CLVS2: variants seen among roughly 807,000 people sequenced by gnomAD.
The protein encoded by CLVS2 is clavesin-2.
In CLVS2, 19 loss-of-function variants were observed where a neutral mutation model predicts 29.0. The observed-to-expected ratio is 0.66, with a 90% CI of 0.46 to 0.96. CLVS2 has a LOEUF of 0.96. CLVS2 is among the 40% of genes least tolerant of loss of function. The pLI, the probability that CLVS2 is intolerant of heterozygous loss-of-function variation, is 0.00. For synonymous variants in CLVS2, 161 were observed against 151.3 expected, an observed-to-expected ratio of 1.06 and a Z score of -0.47; for missense variants, 294 against 404.1, an observed-to-expected ratio of 0.73 and a Z score of 2.34.
In CLVS2 at chr6:123,069,200, G is replaced by T. The variant is rs1772904126; in HGVS notation, c.*5439G>T. On this transcript the variant is annotated 3_prime_UTR_variant, in exon 6 of 6. Transcript: ENST00000275162. ...TAATGTTTTAATTACATATAGCAAAGGAATGATCAGTAAATAAAATAACTA... is the reference window on the plus strand; with the variant it reads ...TAATGTTTTAATTACATATAGCAAATGAATGATCAGTAAATAAAATAACTA... 1 of 151,602 alleles carries T rather than the reference G, an allele frequency of 6.6e-6. No individual in the cohort carries two copies. The highest frequency in any genetic ancestry group is 2.4e-5 in the African/African-American group (1 of 41,330). The allele number at this position is 151,602 out of a possible 1,614,324, so 9.4% of individuals were successfully genotyped here.
At position 123,002,331 on chromosome 6, in the gene CLVS2, T is replaced by C. The variant is rs57061967; in HGVS notation, c.389+4165T>C. Among the ~76,000 whole-genome samples the C allele has an allele frequency of 5.4e-3, 829 of 152,272 alleles. 7 individuals carry two copies. Among genetic ancestry groups the C allele is most frequent in the East Asian group, 0.012 (63 of 5,164 alleles). Reference sequence around the variant, plus strand: ...ATGATACTCTAACTTATCCTGGAATTTGCCCAAAAAACTTGTCAGTTTGCT... The same window carrying C: ...ATGATACTCTAACTTATCCTGGAATCTGCCCAAAAAACTTGTCAGTTTGCT... On this transcript the variant is annotated intron_variant, in intron 2 of 5. Coordinates refer to ENST00000275162, the MANE Select transcript of CLVS2 (RefSeq NM_001010852.4).
Position 123,070,209 on chromosome 6 carries a change from A to G in CLVS2, c.*6448A>G, listed in dbSNP as rs1245989950. 4.6e-5 allele frequency: 7 copies of G among 151,964 alleles called. No individual in the cohort carries two copies. The highest frequency in any genetic ancestry group is 1.3e-4 in the Admixed American group (2 of 15,210). 9.4% of individuals were successfully genotyped at this position (151,964 alleles called of 1,614,324 possible). A position where few individuals can be genotyped will look rare whatever the true frequency, so the allele number is the denominator to read the frequency against. On this transcript the variant is annotated 3_prime_UTR_variant, in exon 6 of 6. Coordinates refer to ENST00000275162, the MANE Select transcript of CLVS2 (RefSeq NM_001010852.4). ...TGGATATGGCGGATTTAACATTTAC[A>G]AAACCAAACTACTTTCACTCTGACC...
At chr6:123,037,719 G>A (rs1403436926) in intron 3 of CLVS2, among the ~76,000 whole-genome samples, 1 of 151,824 alleles carries the variant, frequency 6.6e-6, no homozygotes, top group East Asian at 1.9e-4. Context: ...ACATTACTTA[G>A]TCATTAAAAA....
intron 4 of CLVS2, among the ~76,000 whole-genome samples, chr6:123,050,265 C>G (rs1015682615): frequency 2.0e-5 from 3 of 152,140 alleles, no homozygotes; most frequent in African/African-American, 7.2e-5. Flanking sequence ...AAAGGATGAT[C>G]AAGTGATCCA....
chr6:123,036,517 G>A (rs1324158183), intron 3 of CLVS2, among the ~76,000 whole-genome samples: 1 of 152,170 alleles, frequency 6.6e-6, no homozygotes, highest in Non-Finnish European at 1.5e-5. Flanking sequence ...TTTGAAAAGA[G>A]GGTAATGATC....
chr6:123,058,683 TTG>T (rs1772730092), intron 5 of CLVS2, among the ~76,000 whole-genome samples: 1 of 152,126 alleles, frequency 6.6e-6, no homozygotes, highest in Non-Finnish European at 1.5e-5. Flanking sequence ...CAGGTTCTCT[TTG>T]TGTTGCCCAG....
chr6:123,020,078 A>C (rs1286051145), intron 3 of CLVS2, among the ~76,000 whole-genome samples: 1 of 152,014 alleles, frequency 6.6e-6, no homozygotes, highest in Non-Finnish European at 1.5e-5. Flanking sequence ...CCTATCCCAA[A>C]CACCCTCACA....
chr6:123,049,590 G>T (rs1044628949), intron 4 of CLVS2, among the ~76,000 whole-genome samples: 3 of 152,146 alleles, frequency 2.0e-5, no homozygotes, highest in African/African-American at 7.2e-5. Context: ...CATGTATAGA[G>T]CTATTTTTAC....
intron 3 of CLVS2, among the ~76,000 whole-genome samples, chr6:123,039,283 A>T (rs1055459128): frequency 6.6e-6 from 1 of 152,170 alleles, no homozygotes; most frequent in African/African-American, 2.4e-5. Context: ...TTATTGATAT[A>T]CTAGCTGGAG....
chr6:123,052,102 T>TA (rs34764666), intron 4 of CLVS2, among the ~76,000 whole-genome samples: 71,110 of 151,948 alleles, frequency 0.47, 17,946 homozygotes, highest in South Asian at 0.64. Flanking sequence ...CAAGACAATA[T>TA]ATGCATGATT....
chr6:123,021,625 A>G (rs1774922493), intron 3 of CLVS2, among the ~76,000 whole-genome samples: 1 of 152,106 alleles, frequency 6.6e-6, no homozygotes, highest in Non-Finnish European at 1.5e-5. Flanking sequence ...ATGCAAAGAG[A>G]TCCCATATAT....
rs1295926577 is a variant in CLVS2 at position 122,997,833 on chromosome 6, A to G, written c.56A>G (p.Glu19Gly). ...SPETLEKARL[E>G]LNENPDTLHQ... ...GAGACCCTGGAGAAAGCTCGCCTGGAGCTCAATGAAAACCCAGACACGCTG... is the reference window on the plus strand; with the variant it reads ...GAGACCCTGGAGAAAGCTCGCCTGGGGCTCAATGAAAACCCAGACACGCTG... Residue 19 changes from glutamate to glycine, a missense_variant, in exon 2 of 6, where the codon GAG becomes GGG. Around this residue, in one of 2 missense-constraint regions of CLVS2, gnomAD observed 212 missense variants for 336.4 expected, o/e 0.63. Coordinates refer to ENST00000275162, the MANE Select transcript of CLVS2 (RefSeq NM_001010852.4). 6.2e-7 allele frequency: 1 copy of G among 1,614,116 alleles called. No individual in the cohort carries two copies.
chr6:123,024,968 C>A (rs9375214), intron 3 of CLVS2, among the ~76,000 whole-genome samples: 112,203 of 151,474 alleles, frequency 0.74, 42,032 homozygotes, highest in East Asian at 0.92. Context: ...TCCCAATATA[C>A]GCCTAGGATA....
chr6:123,044,659 G>C (rs1772453452), intron 3 of CLVS2, among the ~76,000 whole-genome samples: 1 of 152,118 alleles, frequency 6.6e-6, no homozygotes, highest in Non-Finnish European at 1.5e-5. Flanking sequence ...TTCATCTCCT[G>C]CTATTTGGTA....
rs1270095559 is a variant in CLVS2 at position 123,070,673 on chromosome 6, G to A, written c.*6912G>A. On this transcript the variant is annotated 3_prime_UTR_variant, in exon 6 of 6. Transcript: ENST00000275162. ...AGCAACATAGCATGGTTTCTGATTGGGCTGGCATTTTTGCTGGTACTATGA... is the reference window on the plus strand; with the variant it reads ...AGCAACATAGCATGGTTTCTGATTGAGCTGGCATTTTTGCTGGTACTATGA... 1 of 151,854 alleles carries A rather than the reference G, an allele frequency of 6.6e-6. No homozygotes were observed. The highest frequency in any genetic ancestry group is 1.5e-5 in the Non-Finnish European group (1 of 67,900). 9.4% of individuals were successfully genotyped at this position (151,854 alleles called of 1,614,324 possible).
At chr6:123,026,819 G>A (rs1775008041) in intron 3 of CLVS2, among the ~76,000 whole-genome samples, 1 of 152,026 alleles carries the variant, frequency 6.6e-6, no homozygotes, top group African/African-American at 2.4e-5. Context: ...TGAAAATCTA[G>A]AATAAGATAG....
chr6:123,068,229 A>G lies in CLVS2; in HGVS notation c.*4468A>G, dbSNP rs887468100. ...TGTACAAATGATGCTATTGAAATAAAAAAATGTAGAAATCACTTAATTATA... is the reference window on the plus strand; with the variant it reads ...TGTACAAATGATGCTATTGAAATAAGAAAATGTAGAAATCACTTAATTATA... On this transcript the variant is annotated 3_prime_UTR_variant, in exon 6 of 6. Coordinates refer to ENST00000275162, the MANE Select transcript of CLVS2 (RefSeq NM_001010852.4). 2.6e-5 allele frequency: 4 copies of G among 151,620 alleles called. No homozygotes were observed. The highest frequency in any genetic ancestry group is 5.9e-5 in the Non-Finnish European group (4 of 67,654). 9.4% of individuals were successfully genotyped at this position (151,620 alleles called of 1,614,324 possible). A position where few individuals can be genotyped will look rare whatever the true frequency, so the allele number is the denominator to read the frequency against.
chr6:123,005,898 T>C (rs922112289), intron 2 of CLVS2, among the ~76,000 whole-genome samples: 5 of 152,200 alleles, frequency 3.3e-5, no homozygotes, highest in African/African-American at 1.2e-4. Flanking sequence ...AATGTAGATA[T>C]AGGTAAAATA....
chr6:123,007,202 T>C (rs1489631282), intron 2 of CLVS2, among the ~76,000 whole-genome samples: 1 of 152,188 alleles, frequency 6.6e-6, no homozygotes, highest in Non-Finnish European at 1.5e-5. Context: ...CATACAATTG[T>C]AGAAGTCATA....
Sources: gnomAD v4.1 joint callset for allele counts (sites outside exome capture counted in the v4.1 genomes callset) on GRCh38, gnomAD v4.1.1 for gene constraint, gnomAD v4.1.1 regional missense constraint, MANE v1.5 for transcripts, NCBI Gene and HGNC (gene_info 2026-07-23, HGNC 2026-07-21) for gene names.